RBMS3: variants seen among roughly 807,000 people sequenced by gnomAD.
The protein encoded by RBMS3 is RNA-binding motif, single-stranded-interacting protein 3.
In RBMS3, 27 loss-of-function variants were observed where a neutral mutation model predicts 66.8. The ratio of observed to expected loss-of-function variants is 0.40; its 90% confidence interval spans 0.30 to 0.56. RBMS3 has a LOEUF of 0.56. RBMS3 is among the 20% of genes least tolerant of loss of function. RBMS3 has a pLI of 0.40. For missense variants in RBMS3, 513 were observed against 549.5 expected, an observed-to-expected ratio of 0.93 and a Z score of 0.66; for synonymous variants, 188 against 183.0, an observed-to-expected ratio of 1.03 and a Z score of -0.22.
At chr3:29,459,759 C>T (rs992765852) in intron 2 of RBMS3, among the ~76,000 whole-genome samples, 2 of 152,118 alleles carry the variant, frequency 1.3e-5, no homozygotes, top group Non-Finnish European at 2.9e-5. Flanking sequence ...ACAATTTTGC[C>T]TTAGATGCAC....
chr3:29,388,324 G>A (rs2039109588), intron 1 of RBMS3, among the ~76,000 whole-genome samples: 1 of 152,142 alleles, frequency 6.6e-6, no homozygotes, highest in Admixed American at 6.5e-5. Context: ...TTTATTCATT[G>A]CCAGATTTTT....
chr3:29,803,267 T>C (rs968086585), intron 6 of RBMS3, among the ~76,000 whole-genome samples: 2 of 152,174 alleles, frequency 1.3e-5, no homozygotes, highest in Non-Finnish European at 2.9e-5. Context: ...ACCTGCATAA[T>C]GTATGATAAT....
chr3:29,532,180 C>T (rs560975687), intron 3 of RBMS3, among the ~76,000 whole-genome samples: 55 of 148,270 alleles, frequency 3.7e-4, no homozygotes, highest in Admixed American at 1.1e-3. Context: ...GAAAATTAGA[C>T]AGAAAGATCA....
chr3:29,790,841 C>T (rs1031022330), intron 6 of RBMS3, among the ~76,000 whole-genome samples: 2 of 151,970 alleles, frequency 1.3e-5, no homozygotes, highest in African/African-American at 4.8e-5. Context: ...ATAAAATTTC[C>T]CAGTTAGCAT....
At chr3:29,626,321 T>C (rs1559519323) in intron 4 of RBMS3, among the ~76,000 whole-genome samples, 1 of 152,008 alleles carries the variant, frequency 6.6e-6, no homozygotes, top group Non-Finnish European at 1.5e-5. Flanking sequence ...ATGCAAAAAA[T>C]GATAATAATA....
chr3:29,769,250 A>G lies in RBMS3; in HGVS notation c.637+6261A>G, dbSNP rs561196376. On this transcript the variant is annotated intron_variant, in intron 6 of 14. Coordinates refer to ENST00000383767, the MANE Select transcript of RBMS3 (RefSeq NM_001003793.3). ...GGCATGGCCAACTTGAGAACAACTGAGGACACAAAGAGTTAGATGGCTGAT... is the reference window on the plus strand; with the variant it reads ...GGCATGGCCAACTTGAGAACAACTGGGGACACAAAGAGTTAGATGGCTGAT... Among the ~76,000 whole-genome samples, 4 of 152,042 alleles carry G rather than the reference A, an allele frequency of 2.6e-5. No individual in the cohort carries two copies. In the South Asian group the frequency reaches 6.2e-4, roughly 24 times the overall value.
chr3:29,696,075 A>G lies in RBMS3; in HGVS notation c.400-43645A>G, dbSNP rs534273979. 2.0e-5 allele frequency among the ~76,000 whole-genome samples: 3 copies of G among 152,176 alleles called. No homozygotes were observed. In the South Asian group the frequency reaches 6.2e-4, roughly 32 times the overall value. The stretch of plus-strand genomic sequence containing the variant: ...GGCATTGACATTTTAAAAACTCTCC[A>G]TGTCTTCTGTTAACTCCCTTAGGAT... On this transcript the variant is annotated intron_variant, in intron 4 of 14. Coordinates refer to ENST00000383767, the MANE Select transcript of RBMS3 (RefSeq NM_001003793.3).
chr3:29,733,026 T>C (rs975931102), intron 4 of RBMS3, among the ~76,000 whole-genome samples: 2 of 152,136 alleles, frequency 1.3e-5, no homozygotes, highest in Admixed American at 6.6e-5. Context: ...CCTTATGAGA[T>C]AGATAAAGGG....
At chr3:29,689,178 A>AT (rs1051010243) in intron 4 of RBMS3, among the ~76,000 whole-genome samples, 4 of 151,964 alleles carry the variant, frequency 2.6e-5, no homozygotes, top group East Asian at 3.9e-4. Context: ...CATCAAAGTA[A>AT]TTTTTTTAAA....
At chr3:29,845,164 C>T (rs748964046) in intron 6 of RBMS3, among the ~76,000 whole-genome samples, 12 of 152,238 alleles carry the variant, frequency 7.9e-5, no homozygotes, top group Non-Finnish European at 1.6e-4. Context: ...CCTACAACAT[C>T]TAAAATGCTT....
At position 29,988,233 on chromosome 3, in the gene RBMS3, C is replaced by T. The variant is rs1868491; in HGVS notation, c.1179+10C>T. ...AGCTGTTTCTATTGAAGTAAGTCTA[C>T]CCCTGTCTAATAAAGAGGTTAGAAG... On this transcript the variant is annotated intron_variant, in intron 13 of 14. Coordinates refer to ENST00000383767, the MANE Select transcript of RBMS3 (RefSeq NM_001003793.3). 352,105 of 1,584,428 alleles carry T rather than the reference C, an allele frequency of 0.22. 41,261 individuals are homozygous for T. Among genetic ancestry groups the T allele is most frequent in the Admixed American group, 0.35 (21,111 of 59,858 alleles).
At chr3:29,865,262 A>G (rs1441855716) in intron 6 of RBMS3, among the ~76,000 whole-genome samples, 1 of 152,146 alleles carries the variant, frequency 6.6e-6, no homozygotes, top group Non-Finnish European at 1.5e-5. Flanking sequence ...GCCTATAGAA[A>G]CTACCTAAAG....
intron 1 of RBMS3, among the ~76,000 whole-genome samples, chr3:29,364,402 C>T (rs1265695042): frequency 1.3e-5 from 2 of 152,250 alleles, no homozygotes; most frequent in East Asian, 3.9e-4. Flanking sequence ...CTTAGCAGAG[C>T]TTCCAGGGGT....
intron 1 of RBMS3, among the ~76,000 whole-genome samples, chr3:29,419,362 T>C (rs556942113): frequency 1.2e-4 from 18 of 152,338 alleles, no homozygotes; most frequent in African/African-American, 4.1e-4. Flanking sequence ...ACAGCATTTA[T>C]TGTAATATTA....
intron 1 of RBMS3, among the ~76,000 whole-genome samples, chr3:29,326,580 A>G (rs2035348215): frequency 6.6e-6 from 1 of 151,972 alleles, no homozygotes; most frequent in African/African-American, 2.4e-5. Flanking sequence ...GTGGCTACCT[A>G]CCTTCCTCAC....
chr3:29,667,709 G>C (rs2050822661), intron 4 of RBMS3, among the ~76,000 whole-genome samples: 2 of 152,076 alleles, frequency 1.3e-5, no homozygotes. Flanking sequence ...ATTATTTGTT[G>C]AAGAAATGAA....
intron 3 of RBMS3, among the ~76,000 whole-genome samples, chr3:29,528,351 G>A (rs2045218744): frequency 6.6e-6 from 1 of 151,878 alleles, no homozygotes; most frequent in Non-Finnish European, 1.5e-5. Context: ...GACCTCAAGT[G>A]ATCTGCCTGC....
intron 1 of RBMS3, among the ~76,000 whole-genome samples, chr3:29,397,757 C>T (rs2039619987): frequency 6.6e-6 from 1 of 152,112 alleles, no homozygotes; most frequent in Non-Finnish European, 1.5e-5. Flanking sequence ...CTGTGTCACT[C>T]AGGCTGGATT....
At chr3:29,917,657 T>C (rs1274106284) in intron 10 of RBMS3, among the ~76,000 whole-genome samples, 9 of 152,052 alleles carry the variant, frequency 5.9e-5, no homozygotes, top group Non-Finnish European at 1.0e-4. Flanking sequence ...GAGAGGGTCA[T>C]GGGAGGCAGA....
Sources: allele counts gnomAD v4.1 joint callset (sites outside exome capture counted in the v4.1 genomes callset), GRCh38; gene constraint gnomAD v4.1.1; transcripts MANE v1.5; gene names NCBI Gene and HGNC (gene_info 2026-07-23, HGNC 2026-07-21).